MAP6D1: variants seen among roughly 807,000 people sequenced by gnomAD.
MAP6D1 encodes MAP6 domain-containing protein 1.
Under a neutral mutation model 17.4 loss-of-function variants are expected in MAP6D1, and 13 were observed. The ratio of observed to expected loss-of-function variants is 0.75; its 90% CI spans 0.49 to 1.19. The LOEUF (loss-of-function observed/expected upper bound fraction) is 1.19, where lower values mean the gene tolerates loss of function less well. MAP6D1 is among the 50% of genes most tolerant of loss of function. MAP6D1 has a pLI of 0.00. For synonymous variants in MAP6D1, 141 were observed against 145.7 expected (o/e 0.97, Z 0.23); for missense variants, 313 against 312.6 (o/e 1.00, Z -0.01).
chr3:183,825,237 G>T lies in MAP6D1; in HGVS notation c.311C>A (p.Ser104Tyr). The T allele has an allele frequency of 7.1e-7, 1 of 1,400,134 alleles. No individual in the cohort carries two copies. Among genetic ancestry groups the T allele is most frequent in the Non-Finnish European group, 9.3e-7 (1 of 1,076,886 alleles). The allele number at this position is 1,400,134 out of a possible 1,614,324, so 86.7% of individuals were successfully genotyped here. Residue 104 changes from serine (S) to tyrosine (Y), a missense_variant, in exon 1 of 3, where the codon TCC (serine) becomes TAC (tyrosine). Physicochemically the swap from Ser to Tyr is moderately radical, Grantham distance 144. Transcript: ENST00000318631. ...GGCGCCGGGCGCAGGTGGCGCGGAG[G>T]ACTGCGCGGAGGATTTGCCCCTGCG... ...GGRRGKSSAQSSAPPAPGARG... is the reference protein window; with the variant it reads ...GGRRGKSSAQYSAPPAPGARG...
Position 183,825,152 on chromosome 3 carries a change from C to T in MAP6D1, c.396G>A (p.Ser132=). The T allele has an allele frequency of 6.9e-7, 1 of 1,450,708 alleles. No homozygotes were observed. The highest frequency in any genetic ancestry group is 9.1e-7 in the Non-Finnish European group (1 of 1,099,252). 89.9% of individuals were successfully genotyped at this position (1,450,708 alleles called of 1,614,324 possible). ...GGTCCCTACCCAGCCCATACCTGTACGACGTGGTCACTGCTGCAGCCGCGT... is the reference window on the plus strand; with the variant it reads ...GGTCCCTACCCAGCCCATACCTGTATGACGTGGTCACTGCTGCAGCCGCGT... ...DADAAAAVTT[S]YRQEFQAWTG... is the part of the protein sequence containing the mutation. The change falls in exon 1 of 3, where the codon TCG becomes TCA. Residue 132 remains serine, a synonymous_variant. Transcript: ENST00000318631.
At chr3:183,821,600 CA>C (rs1340806019) in intron 1 of MAP6D1, among the ~76,000 whole-genome samples, 2 of 132,666 alleles carry the variant, frequency 1.5e-5, no homozygotes, top group Non-Finnish European at 3.1e-5. Context: ...GGCAGGAGTG[CA>C]GTGGCTCTAT....
chr3:183,824,513 G>A (rs1454368594), intron 1 of MAP6D1, among the ~76,000 whole-genome samples: 2 of 152,216 alleles, frequency 1.3e-5, no homozygotes, highest in Admixed American at 1.3e-4. Context: ...GAGGGATCAA[G>A]GAGATACGTA....
chr3:183,822,288 CACACA>C (rs1298583349), intron 1 of MAP6D1, among the ~76,000 whole-genome samples: 10 of 120,632 alleles, frequency 8.3e-5, no homozygotes, highest in African/African-American at 3.4e-4. Context: ...CACACACACA[CACACA>C]AAACCCCACA....
chr3:183,825,335 C>T lies in MAP6D1; in HGVS notation c.213G>A (p.Arg71=). 2.9e-6 allele frequency: 4 copies of T among 1,394,606 alleles called. No homozygotes were observed. The highest frequency in any genetic ancestry group is 2.5e-4 in the Middle Eastern group (1 of 4,056). The allele number at this position is 1,394,606 out of a possible 1,614,324, so 86.4% of individuals were successfully genotyped here. The change falls in exon 1 of 3, where the codon CGG becomes CGA. Residue 71 remains arginine (R), a synonymous_variant. Coordinates refer to ENST00000318631, the MANE Select transcript of MAP6D1 (RefSeq NM_024871.4). The part of the protein sequence containing the change: ...GRDVPLTQYQ[R]DFGLWTTPAG... The stretch of plus-strand genomic sequence containing the variant: ...CGGGCGTGGTCCACAAGCCGAAGTC[C>T]CGCTGGTACTGAGTGAGCGGCACGT...
chr3:183,823,885 CT>C (rs1727313396), intron 1 of MAP6D1, among the ~76,000 whole-genome samples: 1 of 152,246 alleles, frequency 6.6e-6, no homozygotes, highest in Admixed American at 6.5e-5. Context: ...CCTTCCACCC[CT>C]GGCAGTCCCT....
chr3:183,818,530 G>A (rs1246217108), intron 1 of MAP6D1, among the ~76,000 whole-genome samples: 13 of 152,154 alleles, frequency 8.5e-5, no homozygotes, highest in Admixed American at 8.5e-4. Flanking sequence ...TGCACCCCCT[G>A]CGATTCTCCC....
In MAP6D1 at chr3:183,817,122, C is replaced by T. The variant is rs752778407; in HGVS notation, c.*234G>A. The T allele has an allele frequency of 5.3e-5, 28 of 524,790 alleles. 1 individual carries two copies. The highest frequency in any genetic ancestry group is 2.9e-4 in the South Asian group (14 of 47,858). 32.5% of individuals were successfully genotyped at this position (524,790 alleles called of 1,614,324 possible). A position where few individuals can be genotyped will look rare whatever the true frequency, so the allele number is the denominator to read the frequency against. On this transcript the variant is annotated 3_prime_UTR_variant, in exon 3 of 3. Transcript: ENST00000318631. ...AGACGGCCAGATGGCAGTTAACGAACGCAGGAGCCTTCCACAGGCTTCTCA... is the reference window on the plus strand; with the variant it reads ...AGACGGCCAGATGGCAGTTAACGAATGCAGGAGCCTTCCACAGGCTTCTCA...
chr3:183,820,364 G>A (rs560897482), intron 1 of MAP6D1: 2 of 152,466 alleles, frequency 1.3e-5, no homozygotes, highest in South Asian at 2.1e-4. Flanking sequence ...CATGGCGCTG[G>A]GAGGGTCAAG....
In MAP6D1 at chr3:183,815,997, TTTCTC is replaced by T. The variant is rs1727093095; in HGVS notation, c.*1354_*1358del. Reference sequence around the variant, plus strand: ...CACAGACACCCAGCAGGCAGCCTCTTTTCTCTTAGAAAAATCAAACATGCAAGCCG... The same window carrying T: ...CACAGACACCCAGCAGGCAGCCTCTTTTAGAAAAATCAAACATGCAAGCCG... On this transcript the variant is annotated 3_prime_UTR_variant, in exon 3 of 3. Transcript: ENST00000318631. 6.6e-6 allele frequency: 1 copy of T among 150,728 alleles called. No individual in the cohort carries two copies. The highest frequency in any genetic ancestry group is 2.5e-5 in the African/African-American group (1 of 40,196). 9.3% of individuals were successfully genotyped at this position (150,728 alleles called of 1,614,324 possible).
chr3:183,823,458 G>A (rs1310738482), intron 1 of MAP6D1, among the ~76,000 whole-genome samples: 1 of 152,136 alleles, frequency 6.6e-6, no homozygotes, highest in Non-Finnish European at 1.5e-5. Flanking sequence ...AAAATTAGCT[G>A]GGCGTGATGG....
chr3:183,818,168 TC>T, intron 1 of MAP6D1, 57 bp from the exon 2 acceptor site: 2 of 1,429,534 alleles, frequency 1.4e-6, no homozygotes, highest in Non-Finnish European at 2.0e-6. Flanking sequence ...CTTTACCGAC[TC>T]CCCAGGGGCT....
At chr3:183,819,449 G>T (rs550751735) in intron 1 of MAP6D1, among the ~76,000 whole-genome samples, 27 of 152,342 alleles carry the variant, frequency 1.8e-4, no homozygotes, top group African/African-American at 6.0e-4. Flanking sequence ...CTGCCCTGAG[G>T]TGGCTGCAGG....
At position 183,825,565 on chromosome 3, in the gene MAP6D1, C is replaced by T; in HGVS notation, c.-18G>A. 8.4e-7 allele frequency: 1 copy of T among 1,194,380 alleles called. No homozygotes were observed. Among genetic ancestry groups the T allele is most frequent in the Middle Eastern group, 3.4e-4 (1 of 2,984 alleles). The allele number at this position is 1,194,380 out of a possible 1,614,324, so 74.0% of individuals were successfully genotyped here. A position where few individuals can be genotyped will look rare whatever the true frequency, so the allele number is the denominator to read the frequency against. Reference sequence around the variant, plus strand: ...CACGCCATGCCAGCCCCGGCGCCCGCCGCCCCGCTCCCGGCGCGCGGCGCT... The same window carrying T: ...CACGCCATGCCAGCCCCGGCGCCCGTCGCCCCGCTCCCGGCGCGCGGCGCT... On this transcript the variant is annotated 5_prime_UTR_variant, in exon 1 of 3. Transcript: ENST00000318631.
chr3:183,821,853 G>C (rs188566629), intron 1 of MAP6D1, among the ~76,000 whole-genome samples: 1 of 151,812 alleles, frequency 6.6e-6, no homozygotes. Context: ...TAGTAGAGAC[G>C]GGGTTTCACC....
At chr3:183,823,211 C>G (rs1727298628) in intron 1 of MAP6D1, among the ~76,000 whole-genome samples, 1 of 152,138 alleles carries the variant, frequency 6.6e-6, no homozygotes, top group Non-Finnish European at 1.5e-5. Flanking sequence ...CCAGGCTGGT[C>G]TTGAACTCCT....
intron 1 of MAP6D1, among the ~76,000 whole-genome samples, chr3:183,819,539 C>T (rs1388740252): frequency 6.6e-6 from 1 of 152,162 alleles, no homozygotes. Flanking sequence ...GGGGCTGGAG[C>T]CCAGATGGGA....
At chr3:183,820,674 C>T (rs542779918) in intron 1 of MAP6D1, among the ~76,000 whole-genome samples, 19 of 151,836 alleles carry the variant, frequency 1.3e-4, no homozygotes, top group Admixed American at 3.9e-4. Flanking sequence ...CTGGGGCGGG[C>T]GGATCACGAG....
intron 1 of MAP6D1, among the ~76,000 whole-genome samples, chr3:183,819,173 G>A (rs898151037): frequency 3.3e-5 from 5 of 152,256 alleles, no homozygotes; most frequent in African/African-American, 1.2e-4. Context: ...CTTGGCAGCT[G>A]CAAAGCTGGG....
Sources: allele counts gnomAD v4.1 joint callset (sites outside exome capture counted in the v4.1 genomes callset), GRCh38; gene constraint gnomAD v4.1.1; transcripts MANE v1.5; gene names NCBI Gene and HGNC (gene_info 2026-07-23, HGNC 2026-07-21).